The following FAM186A variants were observed in gnomAD, a reference collection of about 807,000 sequenced individuals.
FAM186A encodes protein FAM186A.
A neutral mutation model predicts 216.8 loss-of-function variants in FAM186A; 163 were observed. The observed-to-expected ratio is 0.75, with a 90% CI of 0.66 to 0.86. The LOEUF (loss-of-function observed/expected upper bound fraction) is 0.86. Among genes scored for constraint, FAM186A ranks in the 40% least tolerant of loss-of-function variants. The pLI is 0.00. For missense variants in FAM186A, 2,184 were observed against 2,746.2 expected, an observed-to-expected ratio of 0.80 and a Z score of 4.58; for synonymous variants, 805 against 1,025.3, an observed-to-expected ratio of 0.79 and a Z score of 4.10.
At position 50,341,834 on chromosome 12, in the gene FAM186A, C is replaced by CA. The variant is rs979823384; in HGVS notation, c.6504-7732dup. On this transcript the variant is annotated intron_variant, in intron 4 of 7. Transcript: ENST00000327337. ...TGGGCAACAGAGCAAGACTTCGTCT[C>CA]AAAAAAAAAGATAAAATTGAGAGAA... 1.2e-4 allele frequency among the ~76,000 whole-genome samples: 18 copies of CA among 148,438 alleles called. 1 individual carries two copies. The highest frequency in any genetic ancestry group is 8.5e-4 in the South Asian group (4 of 4,686).
chr12:50,372,102 G>C (rs1209815096), intron 1 of FAM186A, among the ~76,000 whole-genome samples: 2 of 151,992 alleles, frequency 1.3e-5, no homozygotes, highest in Non-Finnish European at 2.9e-5. Flanking sequence ...GTGAGCCATC[G>C]TGGCTGGCCC....
At chr12:50,378,365 C>G (rs1184837904) in intron 1 of FAM186A, among the ~76,000 whole-genome samples, 1 of 151,334 alleles carries the variant, frequency 6.6e-6, no homozygotes, top group Non-Finnish European at 1.5e-5. Context: ...CCTGTCTCTA[C>G]TAAAAAGTAC....
intron 1 of FAM186A, among the ~76,000 whole-genome samples, chr12:50,383,941 G>T (rs1429130920): frequency 6.6e-6 from 1 of 151,952 alleles, no homozygotes; most frequent in Non-Finnish European, 1.5e-5. Flanking sequence ...AACATGGTGA[G>T]ACCCTATCTC....
chr12:50,369,119 G>C (rs541872753), intron 1 of FAM186A, among the ~76,000 whole-genome samples: 33 of 152,122 alleles, frequency 2.2e-4, no homozygotes, highest in Non-Finnish European at 1.6e-4. Flanking sequence ...AGAAAACATA[G>C]GAGAAAGGCT....
At chr12:50,337,154 C>T (rs2138761290) in intron 4 of FAM186A, among the ~76,000 whole-genome samples, 1 of 151,622 alleles carries the variant, frequency 6.6e-6, no homozygotes, top group African/African-American at 2.4e-5. Context: ...TATTTCCTGA[C>T]ATTTTTCTGT....
Position 50,354,896 on chromosome 12 carries a change from C to A in FAM186A, c.1936G>T (p.Val646Leu). ...SHQLVKSLSRVAKETSESTRV... is the reference protein window; with the variant it reads ...SHQLVKSLSRLAKETSESTRV... ...GTAGATTCTGAAGTCTCTTTAGCCA[C>A]TCTTGAGAGTGATTTAACAAGTTGA... is the stretch of plus-strand genomic sequence containing the variant. The change falls in exon 4 of 8, where the codon GTG (valine) becomes TTG (leucine). Residue 646 changes from valine (V) to leucine (L), a missense_variant. Coordinates refer to ENST00000327337, the MANE Select transcript of FAM186A (RefSeq NM_001145475.3). The A allele has an allele frequency of 6.4e-7, 1 of 1,550,686 alleles. No homozygotes were observed. The highest frequency in any genetic ancestry group is 8.7e-7 in the Non-Finnish European group (1 of 1,146,896).
chr12:50,360,621 G>A, intron 3 of FAM186A, 135 bp downstream of exon 3: 1 of 613,906 alleles, frequency 1.6e-6, no homozygotes, highest in Non-Finnish European at 2.5e-6. Context: ...GGAGGTGGAG[G>A]TTGCATTGAA....
chr12:50,362,195 A>C (rs981607371), intron 2 of FAM186A, among the ~76,000 whole-genome samples: 2 of 149,458 alleles, frequency 1.3e-5, no homozygotes, highest in Non-Finnish European at 3.0e-5. Context: ...CTGGTCTTGA[A>C]CTCCTGAGCT....
chr12:50,375,141 G>T (rs545969248), intron 1 of FAM186A, among the ~76,000 whole-genome samples: 8 of 152,208 alleles, frequency 5.3e-5, no homozygotes, highest in Non-Finnish European at 1.2e-4. Flanking sequence ...TCGCTTCTCT[G>T]CACTCCAGCC....
At position 50,354,859 on chromosome 12, in the gene FAM186A, T is replaced by C. The variant is rs897044061; in HGVS notation, c.1973A>G (p.Glu658Gly). 6.5e-7 allele frequency: 1 copy of C among 1,549,100 alleles called. No individual in the cohort carries two copies. The highest frequency in any genetic ancestry group is 8.7e-7 in the Non-Finnish European group (1 of 1,146,576). ...CTGTTCACTTTTGCCATCTGGACTT[T>C]CTAGAACTCTGGTAGATTCTGAAGT... is the stretch of plus-strand genomic sequence containing the variant. ...KETSESTRVL[E>G]SPDGKSEQSN... Residue 658 changes from glutamate (E) to glycine (G), a missense_variant, in exon 4 of 8, where the codon GAA becomes GGA. Coordinates refer to ENST00000327337, the MANE Select transcript of FAM186A (RefSeq NM_001145475.3).
chr12:50,354,055 TC>T lies in FAM186A; in HGVS notation c.2776del (p.Glu926LysfsTer7). 1 of 1,551,718 alleles carries T rather than the reference TC, an allele frequency of 6.4e-7. No homozygotes were observed. On this transcript the variant is annotated frameshift_variant, in exon 4 of 8. Transcript: ENST00000327337. LOFTEE classifies it high-confidence loss of function. ...ELPKSSLQRL[E>X]EGTQKMKTQG... ...TGTTTTCATTTTTTGGGTCCCTTCTTCCAGCCGCTGCAGGCTTGACTTTGGA... is the reference window on the plus strand; with the variant it reads ...TGTTTTCATTTTTTGGGTCCCTTCTTCAGCCGCTGCAGGCTTGACTTTGGA...
Position 50,355,589 on chromosome 12 carries a change from G to T in FAM186A, c.1243C>A (p.Pro415Thr). The change falls in exon 4 of 8, where the codon CCA becomes ACA. Residue 415 changes from proline (P) to threonine (T), a missense_variant. Transcript: ENST00000327337. ...ISYTAQAERT[P>T]DLTELRQQPV... ...TGCTGTCGTAGTTCAGTTAAATCTG[G>T]AGTTCTTTCAGCTTGGGCTGTATAT... 1 of 1,551,610 alleles carries T rather than the reference G, an allele frequency of 6.4e-7. No individual in the cohort carries two copies. The highest frequency in any genetic ancestry group is 8.7e-7 in the Non-Finnish European group (1 of 1,146,980).
At chr12:50,347,517 G>A (rs1452451541) in intron 4 of FAM186A, among the ~76,000 whole-genome samples, 1 of 151,954 alleles carries the variant, frequency 6.6e-6, no homozygotes, top group African/African-American at 2.4e-5. Flanking sequence ...GACCACCTGA[G>A]GTCAGGAGTT....
intron 4 of FAM186A, among the ~76,000 whole-genome samples, chr12:50,349,363 C>T (rs1367394533): frequency 6.6e-6 from 1 of 151,962 alleles, no homozygotes; most frequent in Non-Finnish European, 1.5e-5. Flanking sequence ...CAGGCATGCA[C>T]CATCATGTAG....
chr12:50,331,177 T>A (rs1942652712), intron 6 of FAM186A, among the ~76,000 whole-genome samples: 1 of 152,202 alleles, frequency 6.6e-6, no homozygotes, highest in African/African-American at 2.4e-5. Context: ...GAACTCACAA[T>A]CCAATGTTAA....
intron 1 of FAM186A, among the ~76,000 whole-genome samples, chr12:50,372,994 G>GGAAAGAAAGAAAGAAAGAAAGAAA (rs1491450637): frequency 3.4e-5 from 2 of 59,524 alleles, no homozygotes; most frequent in East Asian, 3.9e-4. Context: ...AAGGAAGGAA[G>GGAAAGAAAGAAAGAAAGAAAGAAA]GAATGAAAGA....
chr12:50,331,309 G>A (rs1322953678), intron 6 of FAM186A, among the ~76,000 whole-genome samples: 18 of 152,026 alleles, frequency 1.2e-4, no homozygotes, highest in Non-Finnish European at 2.2e-4. Context: ...GCACGATCTC[G>A]GCTCACCGCA....
chr12:50,331,694 G>A lies in FAM186A; in HGVS notation c.6824C>T (p.Thr2275Ile). 3.2e-6 allele frequency: 5 copies of A among 1,546,078 alleles called. No individual in the cohort carries two copies. Among genetic ancestry groups the A allele is most frequent in the Non-Finnish European group, 4.4e-6 (5 of 1,145,878 alleles). The change falls in exon 6 of 8, where the codon ACC (threonine) becomes ATC (isoleucine). Residue 2275 changes from threonine (T) to isoleucine (I), a missense_variant. This residue lies in a region of FAM186A where 721 missense variants were observed against 816.4 expected (regional missense o/e 0.88). Coordinates refer to ENST00000327337, the MANE Select transcript of FAM186A (RefSeq NM_001145475.3). ...CCTAAATTTCTTGCATATGTCAGAG[G>A]TTCTGTCCTCTTCCATTAGTAATTT... ...FLKLLMEEDR[T>I]SDICKKFRQQ... is the part of the protein sequence containing the mutation.
intron 1 of FAM186A, among the ~76,000 whole-genome samples, chr12:50,382,219 C>T (rs1211454874): frequency 7.2e-6 from 1 of 139,666 alleles, no homozygotes; most frequent in African/African-American, 2.9e-5. Context: ...GCACTCCAGC[C>T]TGGGTGACAA....
Sources: allele counts gnomAD v4.1 joint callset (sites outside exome capture counted in the v4.1 genomes callset), GRCh38; gene constraint gnomAD v4.1.1; regional missense constraint gnomAD v4.1.1; transcripts MANE v1.5; gene names NCBI Gene and HGNC (gene_info 2026-07-23, HGNC 2026-07-21).